The following KIF26B variants were observed in gnomAD, a reference collection of about 807,000 sequenced individuals.
KIF26B encodes kinesin-like protein KIF26B.
KIF26B carries 63 observed loss-of-function variants against 151.2 expected under a neutral mutation model. That is an observed-to-expected ratio of 0.42 (90% CI 0.34 to 0.51). The LOEUF (loss-of-function observed/expected upper bound fraction) is 0.51. Ranked by LOEUF, KIF26B falls within the 20% of genes least tolerant of loss-of-function variation. The probability of loss-of-function intolerance (pLI) is 0.07; values close to 1 mark genes in which losing one functional copy is unlikely to be tolerated. For missense variants in KIF26B, 2,813 were observed against 2,913.6 expected (o/e 0.97, Z 0.79); for synonymous variants, 1,357 against 1,262.1 (o/e 1.08, Z -1.59).
chr1:245,264,654 G>T (rs1447793790), intron 2 of KIF26B, among the ~76,000 whole-genome samples: 2 of 152,134 alleles, frequency 1.3e-5, no homozygotes, highest in African/African-American at 4.8e-5. Flanking sequence ...CAGCACTTTG[G>T]GAGGCTGAGA....
At chr1:245,673,008 GCACCCAGT>G (rs758323673) in intron 10 of KIF26B, among the ~76,000 whole-genome samples, 29 of 152,100 alleles carry the variant, frequency 1.9e-4, no homozygotes, top group Admixed American at 6.5e-4. Flanking sequence ...GCCCCATAAT[GCACCCAGT>G]CCCCACGGCG....
intron 2 of KIF26B, among the ~76,000 whole-genome samples, chr1:245,264,413 ATGC>A (rs1175388449): frequency 6.6e-6 from 1 of 152,196 alleles, no homozygotes; most frequent in East Asian, 1.9e-4. Context: ...TTAAACATAT[ATGC>A]TTCTTGCCCC....
intron 12 of KIF26B, among the ~76,000 whole-genome samples, chr1:245,694,485 T>A (rs548666351): frequency 8.5e-4 from 130 of 152,326 alleles, no homozygotes; most frequent in African/African-American, 2.9e-3. Flanking sequence ...CTGAGAGGGC[T>A]CAGCACTCAG....
At chr1:245,570,085 G>A (rs1435582606) in intron 5 of KIF26B, among the ~76,000 whole-genome samples, 5 of 151,344 alleles carry the variant, frequency 3.3e-5, no homozygotes, top group Non-Finnish European at 7.4e-5. Flanking sequence ...ACAGGCGCCC[G>A]CCACCACACC....
At chr1:245,699,380 T>C (rs2044738663) in intron 14 of KIF26B, among the ~76,000 whole-genome samples, 1 of 151,928 alleles carries the variant, frequency 6.6e-6, no homozygotes, top group Non-Finnish European at 1.5e-5. Context: ...AAAATCACAC[T>C]GCATATCTAG....
intron 4 of KIF26B, among the ~76,000 whole-genome samples, chr1:245,532,347 G>A (rs916868038): frequency 1.3e-4 from 20 of 148,498 alleles, no homozygotes; most frequent in South Asian, 4.3e-4. Flanking sequence ...CCGGGTTCAC[G>A]CCATTCTCCT....
At position 245,687,126 on chromosome 1, in the gene KIF26B, C is replaced by T. The variant is rs878888212; in HGVS notation, c.4143C>T (p.Cys1381=). ...TISNTANLSS[C]EGYIPMKTNI... ...CCAACACGGCCAATCTGAGCAGCTG[C>T]GAGGGGTACATCCCCATGAAGACCA... The change falls in exon 12 of 15, where the codon TGC becomes TGT. Residue 1381 remains cysteine, a synonymous_variant. Coordinates refer to ENST00000407071, the MANE Select transcript of KIF26B (RefSeq NM_018012.4). The surrounding 1 kb of genome is among the most constrained non-coding windows in gnomAD (Gnocchi z 4.9). 10 of 1,613,276 alleles carry T rather than the reference C, an allele frequency of 6.2e-6. No individual in the cohort carries two copies. Among genetic ancestry groups the T allele is most frequent in the African/African-American group, 2.7e-5 (2 of 74,900 alleles).
At chr1:245,291,193 T>C (rs1166142169) in intron 2 of KIF26B, among the ~76,000 whole-genome samples, 1 of 152,122 alleles carries the variant, frequency 6.6e-6, no homozygotes, top group African/African-American at 2.4e-5. Flanking sequence ...ACAGAGCCAG[T>C]CCTGACTTAA....
intron 4 of KIF26B, among the ~76,000 whole-genome samples, chr1:245,522,107 G>C (rs547135588): frequency 6.6e-6 from 1 of 152,228 alleles, no homozygotes; most frequent in South Asian, 2.1e-4. Flanking sequence ...CTGACCTCAT[G>C]ATCTGCCCGC....
At position 245,609,252 on chromosome 1, in the gene KIF26B, C is replaced by T; in HGVS notation, c.1652-14C>T. On this transcript the variant is annotated splice_polypyrimidine_tract_variant and intron_variant, in intron 7 of 14. Coordinates refer to ENST00000407071, the MANE Select transcript of KIF26B (RefSeq NM_018012.4). ...ACACTGAACCTGCTTTTCTTCCTTCCCTGGTTCTCCCAGGAAAATCCTACA... is the reference window on the plus strand; with the variant it reads ...ACACTGAACCTGCTTTTCTTCCTTCTCTGGTTCTCCCAGGAAAATCCTACA... 1 of 1,584,716 alleles carries T rather than the reference C, an allele frequency of 6.3e-7. No homozygotes were observed. The highest frequency in any genetic ancestry group is 1.2e-5 in the South Asian group (1 of 86,202).
intron 4 of KIF26B, among the ~76,000 whole-genome samples, chr1:245,473,873 C>G (rs1428312277): frequency 2.6e-5 from 4 of 151,934 alleles, no homozygotes; most frequent in African/African-American, 9.6e-5. Context: ...CAGCTCTGCT[C>G]TCTCGGTTTT....
intron 2 of KIF26B, among the ~76,000 whole-genome samples, chr1:245,185,429 C>T (rs150077466): frequency 6.6e-6 from 1 of 152,262 alleles, no homozygotes; most frequent in African/African-American, 2.4e-5. Flanking sequence ...TCAAGAATAG[C>T]ACAAGGAAGG....
At chr1:245,322,590 A>G (rs879600946) in intron 2 of KIF26B, among the ~76,000 whole-genome samples, 5 of 152,188 alleles carry the variant, frequency 3.3e-5, no homozygotes, top group Non-Finnish European at 7.3e-5. Flanking sequence ...TGGACAGAAG[A>G]ACAAATGATG....
At position 245,646,289 on chromosome 1, in the gene KIF26B, C is replaced by G; in HGVS notation, c.2258+9C>G. 1.2e-6 allele frequency: 2 copies of G among 1,612,930 alleles called. No individual in the cohort carries two copies. Among genetic ancestry groups the G allele is most frequent in the Non-Finnish European group, 1.7e-6 (2 of 1,179,484 alleles). On this transcript the variant is annotated intron_variant, in intron 10 of 14. Coordinates refer to ENST00000407071, the MANE Select transcript of KIF26B (RefSeq NM_018012.4). ...AAACACATTCCATACAAGTAAGTGA[C>G]TCTTCTACTCAAAGAATGTGGTGGG...
At chr1:245,675,586 T>C (rs2044347935) in intron 10 of KIF26B, among the ~76,000 whole-genome samples, 2 of 152,064 alleles carry the variant, frequency 1.3e-5, no homozygotes, top group Non-Finnish European at 2.9e-5. Context: ...TGCTAAATTG[T>C]GAGGGTGGAA....
At position 245,601,279 on chromosome 1, in the gene KIF26B, T is replaced by C. The variant is rs921060185; in HGVS notation, c.1351-1298T>C. ...CGGTGCAGGACACCTGCGGACCCAG[T>C]GCCCTTGGGATTCTTTACCTTCAGC... On this transcript the variant is annotated intron_variant, in intron 5 of 14. Coordinates refer to ENST00000407071, the MANE Select transcript of KIF26B (RefSeq NM_018012.4). The surrounding 1 kb of genome is among the most constrained non-coding windows in gnomAD (Gnocchi z 4.4). Among the ~76,000 whole-genome samples, 4 of 152,350 alleles carry C rather than the reference T, an allele frequency of 2.6e-5. No individual in the cohort carries two copies. Among genetic ancestry groups the C allele is most frequent in the Non-Finnish European group, 5.9e-5 (4 of 68,030 alleles).
chr1:245,663,885 G>A (rs142387001), intron 10 of KIF26B, among the ~76,000 whole-genome samples: 113 of 152,276 alleles, frequency 7.4e-4, no homozygotes, highest in African/African-American at 2.4e-3. Context: ...TGTGGAGCAG[G>A]CCTCCAGCTT....
At chr1:245,360,836 A>G (rs1016717437) in intron 2 of KIF26B, among the ~76,000 whole-genome samples, 1 of 151,878 alleles carries the variant, frequency 6.6e-6, no homozygotes, top group Non-Finnish European at 1.5e-5. Flanking sequence ...ACATAGTAAA[A>G]CTCCATCGGT....
rs114860672 is a variant in KIF26B at position 245,367,281 on chromosome 1, A to C, written c.913A>C (p.Asn305His). 6,504 of 1,601,106 alleles carry C rather than the reference A, an allele frequency of 4.1e-3. 23 individuals are homozygous for C. Among genetic ancestry groups the C allele is most frequent in the Non-Finnish European group, 5.1e-3 (5,994 of 1,173,892 alleles). ...CAGTCCAAGCAATGGGAACATCCTC[A>C]ATTCGGTGGCCATCCAGGCTCACCA... Reference protein sequence around the residue: ...ATSPSNGNILNSVAIQAHQYL... With the variant: ...ATSPSNGNILHSVAIQAHQYL... Residue 305 changes from asparagine (N) to histidine (H), a missense_variant, in exon 3 of 15, where the codon AAT (asparagine) becomes CAT (histidine). Transcript: ENST00000407071. This position sits in a 1 kb window ranked among gnomAD's most constrained non-coding sequence, Gnocchi z 4.2.
Sources: gnomAD v4.1 joint callset for allele counts (sites outside exome capture counted in the v4.1 genomes callset) on GRCh38, gnomAD v4.1.1 for gene constraint, Gnocchi (gnomAD v3.1) non-coding constraint, MANE v1.5 for transcripts, NCBI Gene and HGNC (gene_info 2026-07-23, HGNC 2026-07-21) for gene names.